Variants in SYT16 observed in about 807,000 individuals in gnomAD.
The protein encoded by SYT16 is synaptotagmin 16, also known as synaptotagmin-16.
Under a neutral mutation model 61.4 loss-of-function variants are expected in SYT16, and 42 were observed. That is an observed-to-expected ratio of 0.68 (90% CI 0.53 to 0.89). The LOEUF (loss-of-function observed/expected upper bound fraction) is 0.89. Among genes scored for constraint, SYT16 ranks in the 40% least tolerant of loss-of-function variants. SYT16 has a pLI of 0.00. For missense variants in SYT16, 804 were observed against 807.3 expected, an observed-to-expected ratio of 1.00 and a Z score of 0.05; for synonymous variants, 314 against 302.3, an observed-to-expected ratio of 1.04 and a Z score of -0.40.
chr14:61,999,048 T>C (rs2052884280), intron 3 of SYT16, among the ~76,000 whole-genome samples: 1 of 151,940 alleles, frequency 6.6e-6, no homozygotes, highest in African/African-American at 2.4e-5. Context: ...ATTTGATTTG[T>C]TAGTCTTTGC....
In SYT16 at chr14:62,106,815, A is replaced by T. The variant is rs1485457543; in HGVS notation, c.*6108A>T. 6.6e-6 allele frequency: 1 copy of T among 152,030 alleles called. No homozygotes were observed. The highest frequency in any genetic ancestry group is 1.5e-5 in the Non-Finnish European group (1 of 68,008). The allele number at this position is 152,030 out of a possible 1,614,324, so 9.4% of individuals were successfully genotyped here. On this transcript the variant is annotated 3_prime_UTR_variant, in exon 8 of 8. Transcript: ENST00000683842. ...GACAATAATCACCTTATTTATATCC[A>T]CTGTGGAACCTGTGAAACAGCTCGA...
chr14:61,820,214 T>C (rs2045569528), intron 1 of SYT16, among the ~76,000 whole-genome samples: 1 of 152,252 alleles, frequency 6.6e-6, no homozygotes, highest in Admixed American at 6.5e-5. Flanking sequence ...TGTGCAAGTG[T>C]ACTTGTACCA....
rs182574894 is a variant in SYT16 at position 61,817,775 on chromosome 14, C to A, written c.-325+4965C>A. 9.7e-4 allele frequency among the ~76,000 whole-genome samples: 148 copies of A among 152,196 alleles called. 2 individuals are homozygous for A. Among genetic ancestry groups the A allele is most frequent in the Middle Eastern group, 3.4e-3 (1 of 294 alleles). On this transcript the variant is annotated intron_variant, in intron 1 of 7. Coordinates refer to ENST00000683842, the MANE Select transcript of SYT16 (RefSeq NM_001367656.1). ...ATAGCATTGTATCAGTGTTAAATTTCTTAAATTTGATATTTTTATTGTGGT... is the reference window on the plus strand; with the variant it reads ...ATAGCATTGTATCAGTGTTAAATTTATTAAATTTGATATTTTTATTGTGGT...
At chr14:61,939,616 A>G (rs2050130264) in intron 1 of SYT16, among the ~76,000 whole-genome samples, 1 of 152,134 alleles carries the variant, frequency 6.6e-6, no homozygotes, top group Non-Finnish European at 1.5e-5. Context: ...TGAGGATGCC[A>G]GTCGTGTTGG....
Position 62,069,740 on chromosome 14 carries a change from T to C in SYT16, c.661T>C (p.Leu221=). 6.2e-7 allele frequency: 1 copy of C among 1,613,938 alleles called. No homozygotes were observed. Among genetic ancestry groups the C allele is most frequent in the Non-Finnish European group, 8.5e-7 (1 of 1,179,874 alleles). ...VTSEKGKQTG[L]EQKPKFSRSL... is the part of the protein sequence containing the mutation. ...ATCTGAGAAAGGAAAGCAGACAGGATTGGAGCAGAAACCAAAATTCAGCCG... is the reference window on the plus strand; with the variant it reads ...ATCTGAGAAAGGAAAGCAGACAGGACTGGAGCAGAAACCAAAATTCAGCCG... The change falls in exon 4 of 8, where the codon TTG becomes CTG. Residue 221 remains leucine (L), a synonymous_variant. Transcript: ENST00000683842.
At chr14:62,061,949 ATGT>A (rs1007117885) in intron 3 of SYT16, among the ~76,000 whole-genome samples, 13 of 138,366 alleles carry the variant, frequency 9.4e-5, no homozygotes, top group East Asian at 2.0e-4. Flanking sequence ...GACTTAAAAA[ATGT>A]TGTTGTGAAT....
chr14:61,965,042 C>G (rs1481399892), intron 1 of SYT16, among the ~76,000 whole-genome samples: 2 of 152,034 alleles, frequency 1.3e-5, no homozygotes, highest in East Asian at 3.9e-4. Context: ...AATTGTGTGA[C>G]TTGCTTTGTT....
intron 7 of SYT16, among the ~76,000 whole-genome samples, chr14:62,096,926 A>G (rs141870665): frequency 6.6e-6 from 1 of 152,290 alleles, no homozygotes; most frequent in East Asian, 1.9e-4. Flanking sequence ...GTTTATACAT[A>G]TTAATAAATT....
At chr14:61,927,288 C>T (rs2049576776) in intron 1 of SYT16, among the ~76,000 whole-genome samples, 2 of 152,108 alleles carry the variant, frequency 1.3e-5, no homozygotes, top group Non-Finnish European at 2.9e-5. Flanking sequence ...ATTTTTATTC[C>T]AGGTTACGAT....
At chr14:61,888,769 T>TAAAAAAAA (rs35694977) in intron 1 of SYT16, among the ~76,000 whole-genome samples, 2 of 104,300 alleles carry the variant, frequency 1.9e-5, no homozygotes. Flanking sequence ...CTTCAATTTG[T>TAAAAAAAA]AAAAAAAAAA....
At chr14:62,080,048 G>T (rs1178024671) in intron 5 of SYT16, among the ~76,000 whole-genome samples, 2 of 152,228 alleles carry the variant, frequency 1.3e-5, no homozygotes, top group Non-Finnish European at 2.9e-5. Context: ...CTACCGAGAG[G>T]CTGGTCTATT....
chr14:61,868,051 T>G (rs2047216245), intron 1 of SYT16, among the ~76,000 whole-genome samples: 1 of 152,036 alleles, frequency 6.6e-6, no homozygotes, highest in Non-Finnish European at 1.5e-5. Flanking sequence ...TGGGTTTCTT[T>G]GGATAACATT....
At chr14:61,831,114 C>T (rs1289970650) in intron 1 of SYT16, among the ~76,000 whole-genome samples, 1 of 152,204 alleles carries the variant, frequency 6.6e-6, no homozygotes, top group Non-Finnish European at 1.5e-5. Context: ...TTGGTTGTCA[C>T]AACTGGAGGG....
intron 3 of SYT16, among the ~76,000 whole-genome samples, chr14:62,017,817 T>A (rs996029230): frequency 5.3e-5 from 8 of 151,994 alleles, no homozygotes; most frequent in Non-Finnish European, 1.0e-4. Context: ...AGCTCCTGTG[T>A]TCAGGTGAAC....
At chr14:62,011,920 C>CATATATATATATATATATATATATAT (rs1165099592) in intron 3 of SYT16, among the ~76,000 whole-genome samples, 47 of 104,624 alleles carry the variant, frequency 4.5e-4, no homozygotes, top group African/African-American at 1.8e-3. Flanking sequence ...TATACACACA[C>CATATATATATATATATATATATATAT]ACACACATAT....
intron 1 of SYT16, among the ~76,000 whole-genome samples, chr14:61,893,750 T>A (rs895172168): frequency 1.3e-5 from 2 of 152,172 alleles, no homozygotes; most frequent in African/African-American, 4.8e-5. Context: ...GTGGTCACCA[T>A]TCCAACCTCC....
At chr14:61,997,824 C>T (rs906045049) in intron 3 of SYT16, among the ~76,000 whole-genome samples, 3 of 152,000 alleles carry the variant, frequency 2.0e-5, no homozygotes, top group Admixed American at 2.0e-4. Context: ...TGGCATACCA[C>T]TAATTTTGCT....
intron 1 of SYT16, among the ~76,000 whole-genome samples, chr14:61,906,421 T>C (rs2048712216): frequency 6.6e-6 from 1 of 152,196 alleles, no homozygotes; most frequent in Non-Finnish European, 1.5e-5. Context: ...TAAACACGAA[T>C]ATTCTTAGGG....
intron 1 of SYT16, among the ~76,000 whole-genome samples, chr14:61,841,868 A>G (rs2046310425): frequency 2.0e-5 from 3 of 152,110 alleles, no homozygotes. Context: ...TTATGGCTTC[A>G]TAGTATTCCA....
Sources: allele counts gnomAD v4.1 joint callset (sites outside exome capture counted in the v4.1 genomes callset), GRCh38; gene constraint gnomAD v4.1.1; transcripts MANE v1.5; gene names NCBI Gene and HGNC (gene_info 2026-07-23, HGNC 2026-07-21).